Variants in STXBP5L observed in about 807,000 individuals in gnomAD.
The protein encoded by STXBP5L is syntaxin binding protein 5L.
Under a neutral mutation model 144.5 loss-of-function variants are expected in STXBP5L, and 65 were observed. The ratio of observed to expected loss-of-function variants is 0.45; its 90% CI spans 0.37 to 0.55. The LOEUF is 0.55. Among genes scored for constraint, STXBP5L ranks in the 20% least tolerant of loss-of-function variants. The pLI, the probability that STXBP5L is intolerant of heterozygous loss-of-function variation, is 0.00. For missense variants in STXBP5L, 1,298 were observed against 1,405.5 expected, an observed-to-expected ratio of 0.92 and a Z score of 1.22; for synonymous variants, 505 against 469.6, an observed-to-expected ratio of 1.08 and a Z score of -0.97.
chr3:121,213,289 TG>T (rs200467410), intron 10 of STXBP5L, among the ~76,000 whole-genome samples: 2,511 of 152,242 alleles, frequency 0.016, 66 homozygotes, highest in African/African-American at 0.057. Flanking sequence ...ATCTTGTGCC[TG>T]TTTTCAAAGG....
intron 3 of STXBP5L, among the ~76,000 whole-genome samples, chr3:121,005,651 C>G (rs1327479424): frequency 1.3e-5 from 2 of 152,086 alleles, no homozygotes; most frequent in African/African-American, 2.4e-5. Context: ...GTTAGGGTGT[C>G]AATTTTGGAT....
At chr3:120,978,676 T>C (rs560257495) in intron 3 of STXBP5L, among the ~76,000 whole-genome samples, 1 of 152,330 alleles carries the variant, frequency 6.6e-6, no homozygotes, top group East Asian at 1.9e-4. Flanking sequence ...CTTTGTGGTT[T>C]TATCTACTTT....
At chr3:121,284,519 CT>C (rs1338208170) in intron 19 of STXBP5L, among the ~76,000 whole-genome samples, 1 of 151,992 alleles carries the variant, frequency 6.6e-6, no homozygotes, top group Non-Finnish European at 1.5e-5. Flanking sequence ...TTTGTTCTGC[CT>C]TTCCAAATGC....
chr3:121,076,530 C>A (rs936467891), intron 5 of STXBP5L, among the ~76,000 whole-genome samples: 4 of 152,114 alleles, frequency 2.6e-5, no homozygotes, highest in African/African-American at 9.7e-5. Context: ...TGCAGCCACT[C>A]AGGGCAGGTC....
At chr3:120,947,720 G>A (rs1459523448) in intron 2 of STXBP5L, among the ~76,000 whole-genome samples, 1 of 151,828 alleles carries the variant, frequency 6.6e-6, no homozygotes, top group East Asian at 1.9e-4. Flanking sequence ...CATACAGTAT[G>A]TGACTAGCTT....
At chr3:121,105,830 T>G (rs952058398) in intron 5 of STXBP5L, among the ~76,000 whole-genome samples, 6 of 152,196 alleles carry the variant, frequency 3.9e-5, no homozygotes, top group African/African-American at 1.4e-4. Flanking sequence ...TAATATTGAT[T>G]TAAATTCTGG....
rs185443909 is a variant in STXBP5L at position 121,410,428 on chromosome 3, T to A, written c.2949-2730T>A. 3.2e-4 allele frequency among the ~76,000 whole-genome samples: 49 copies of A among 152,140 alleles called. No individual in the cohort carries two copies. In the East Asian group the frequency reaches 9.3e-3, roughly 29 times the overall value. Reference sequence around the variant, plus strand: ...ATAATACATATACATAAAGTGTAGCTAGGAAACAATGGTATGTACTCTGCT... The same window carrying A: ...ATAATACATATACATAAAGTGTAGCAAGGAAACAATGGTATGTACTCTGCT... On this transcript the variant is annotated intron_variant, in intron 23 of 26. Transcript: ENST00000471454.
intron 10 of STXBP5L, among the ~76,000 whole-genome samples, chr3:121,220,794 AC>A (rs2048950398): frequency 6.6e-6 from 1 of 152,054 alleles, no homozygotes; most frequent in African/African-American, 2.4e-5. Flanking sequence ...CCTGGTACTC[AC>A]TAGCTGCTTG....
intron 5 of STXBP5L, among the ~76,000 whole-genome samples, chr3:121,064,749 T>A (rs2041460012): frequency 6.6e-6 from 1 of 152,232 alleles, no homozygotes; most frequent in Non-Finnish European, 1.5e-5. Context: ...TCAACTCTTA[T>A]TTTAGACAGA....
chr3:121,044,156 A>G (rs542249490), intron 4 of STXBP5L, among the ~76,000 whole-genome samples: 4 of 152,210 alleles, frequency 2.6e-5, no homozygotes, highest in African/African-American at 9.6e-5. Flanking sequence ...CAATATATAC[A>G]TCTTTGAACA....
At chr3:121,329,211 G>T (rs2044247185) in intron 20 of STXBP5L, among the ~76,000 whole-genome samples, 1 of 152,116 alleles carries the variant, frequency 6.6e-6, no homozygotes, top group Non-Finnish European at 1.5e-5. Context: ...CCGTAGGTTG[G>T]TTAATACTCA....
Position 121,329,216 on chromosome 3 carries a change from T to C in STXBP5L, c.2176+10676T>C, listed in dbSNP as rs114972429. Among the ~76,000 whole-genome samples the C allele has an allele frequency of 2.2e-3, 339 of 152,314 alleles. 3 individuals are homozygous for C. The highest frequency in any genetic ancestry group is 7.6e-3 in the African/African-American group (314 of 41,582). On this transcript the variant is annotated intron_variant, in intron 20 of 26. Transcript: ENST00000471454. ...GGTAAAAGTCCCGTAGGTTGGTTAA[T>C]ACTCATGAAGACTTAAAAGATTGCT... is the stretch of plus-strand genomic sequence containing the variant.
At chr3:120,932,932 T>C (rs1457986651) in intron 2 of STXBP5L, among the ~76,000 whole-genome samples, 27 of 150,252 alleles carry the variant, frequency 1.8e-4, no homozygotes, top group African/African-American at 6.1e-4. Flanking sequence ...TCATTCTCAG[T>C]AAACTATCGC....
chr3:121,010,268 C>G (rs1944673581), intron 3 of STXBP5L, among the ~76,000 whole-genome samples: 1 of 151,780 alleles, frequency 6.6e-6, no homozygotes, highest in Non-Finnish European at 1.5e-5. Flanking sequence ...GAGGGAATCA[C>G]TACTACACAT....
intron 9 of STXBP5L, among the ~76,000 whole-genome samples, chr3:121,187,589 A>G (rs13077967): frequency 8.0e-6 from 1 of 124,744 alleles, no homozygotes; most frequent in Non-Finnish European, 1.7e-5. Context: ...AGAAAAAAGA[A>G]CCATGAATGA....
intron 3 of STXBP5L, among the ~76,000 whole-genome samples, chr3:121,001,359 C>A (rs1408198681): frequency 6.6e-6 from 1 of 152,190 alleles, no homozygotes; most frequent in South Asian, 2.1e-4. Context: ...GGAATTCTTG[C>A]AGAAAGGGGA....
rs537334161 is a variant in STXBP5L, at chr3:121,309,465, G to A, written c.2111-9010G>A. Among the ~76,000 whole-genome samples the A allele has an allele frequency of 2.0e-5, 3 of 152,154 alleles. No homozygotes were observed. In the South Asian group the frequency reaches 6.2e-4, roughly 32 times the overall value. On this transcript the variant is annotated intron_variant, in intron 19 of 26. Coordinates refer to ENST00000471454, the MANE Select transcript of STXBP5L (RefSeq NM_001308330.2). Reference sequence around the variant, plus strand: ...ATGAGACAATAATTAAAACATATATGTCCCAAATAACAGAGTTACAAAATA... The same window carrying A: ...ATGAGACAATAATTAAAACATATATATCCCAAATAACAGAGTTACAAAATA...
intron 11 of STXBP5L, among the ~76,000 whole-genome samples, chr3:121,231,020 T>C (rs529170563): frequency 6.6e-6 from 1 of 152,286 alleles, no homozygotes; most frequent in East Asian, 1.9e-4. Context: ...AGTCCCATTA[T>C]TTTTAATCAC....
At chr3:120,963,342 C>T (rs778659647) in intron 3 of STXBP5L, among the ~76,000 whole-genome samples, 20 of 152,142 alleles carry the variant, frequency 1.3e-4, no homozygotes, top group Non-Finnish European at 8.8e-5. Flanking sequence ...AAGGGCATCT[C>T]TGTCTTGTAC....
Sources: gnomAD v4.1 joint callset for allele counts (sites outside exome capture counted in the v4.1 genomes callset) on GRCh38, gnomAD v4.1.1 for gene constraint, MANE v1.5 for transcripts, NCBI Gene and HGNC (gene_info 2026-07-23, HGNC 2026-07-21) for gene names.